Variants in EDARADD observed in about 807,000 individuals in gnomAD.
The protein encoded by EDARADD is ectodysplasin-A receptor-associated adapter protein.
A neutral mutation model predicts 25.6 loss-of-function variants in EDARADD; 20 were observed. That is an observed-to-expected ratio of 0.78 (90% CI 0.55 to 1.14). The LOEUF (loss-of-function observed/expected upper bound fraction) is 1.14. Among genes scored for constraint, EDARADD ranks in the 50% most tolerant of loss-of-function variants. EDARADD has a pLI of 0.00. For synonymous variants in EDARADD, 86 were observed against 94.4 expected, an observed-to-expected ratio of 0.91 and a Z score of 0.52; for missense variants, 225 against 270.1, an observed-to-expected ratio of 0.83 and a Z score of 1.17.
intron 3 of EDARADD, among the ~76,000 whole-genome samples, chr1:236,357,088 T>TTA (rs71585707): frequency 0.018 from 2,576 of 145,288 alleles, 43 homozygotes; most frequent in Non-Finnish European, 0.025. Context: ...CTGTCTCAAA[T>TTA]AAAAAATAAA....
chr1:236,370,954 G>T (rs1667166369), intron 3 of EDARADD, among the ~76,000 whole-genome samples: 1 of 152,206 alleles, frequency 6.6e-6, no homozygotes, highest in Non-Finnish European at 1.5e-5. Flanking sequence ...GAATAAAGAA[G>T]GACAGCTTGG....
rs114140737 is a variant in EDARADD at position 236,353,947 on chromosome 1, G to A, written c.-6+3108G>A. Among the ~76,000 whole-genome samples, 952 of 152,178 alleles carry A rather than the reference G, an allele frequency of 6.3e-3. 10 individuals are homozygous for A. Among genetic ancestry groups the A allele is most frequent in the African/African-American group, 0.022 (893 of 41,510 alleles). On this transcript the variant is annotated intron_variant, in intron 3 of 7. Coordinates refer to the EDARADD transcript ENST00000439430. ...ATTCATGTATCTATGGGAGTTCAGG[G>A]GAAAATGTGACTCTAGCTCTTTCAT... is the stretch of plus-strand genomic sequence containing the variant.
At chr1:236,443,974 A>C (rs973852145) in intron 4 of EDARADD, among the ~76,000 whole-genome samples, 1 of 152,150 alleles carries the variant, frequency 6.6e-6, no homozygotes, top group Admixed American at 6.6e-5. Context: ...AGAAATTGCC[A>C]TTTCCACCCT....
intron 3 of EDARADD, among the ~76,000 whole-genome samples, chr1:236,424,092 C>T (rs1759389): frequency 0.45 from 66,839 of 149,404 alleles, 17,183 homozygotes; most frequent in Non-Finnish European, 0.59. Context: ...GGTGACAGAA[C>T]AAGACTCCGT....
chr1:236,352,467 G>T (rs1201346234), intron 3 of EDARADD, among the ~76,000 whole-genome samples: 2 of 152,196 alleles, frequency 1.3e-5, no homozygotes, highest in Non-Finnish European at 2.9e-5. Flanking sequence ...CATTTTGGGA[G>T]GTCTAGGCAG....
chr1:236,460,340 A>G (rs1434057871), intron 4 of EDARADD, among the ~76,000 whole-genome samples: 1 of 151,438 alleles, frequency 6.6e-6, no homozygotes, highest in Non-Finnish European at 1.5e-5. Flanking sequence ...GCTCACCACA[A>G]CACCTCATTT....
At chr1:236,388,162 A>G (rs772571027) in intron 3 of EDARADD, among the ~76,000 whole-genome samples, 7 of 152,124 alleles carry the variant, frequency 4.6e-5, no homozygotes, top group Middle Eastern at 3.4e-3. Flanking sequence ...TCCCAACACC[A>G]TTTGAACTGT....
chr1:236,371,042 A>G (rs1405158984), intron 3 of EDARADD, among the ~76,000 whole-genome samples: 2 of 152,204 alleles, frequency 1.3e-5, no homozygotes, highest in Non-Finnish European at 2.9e-5. Context: ...GGCAGTTTCA[A>G]TCTGAGTTTG....
Position 236,479,504 on chromosome 1 carries a change from G to GAA in EDARADD, c.266-2754_266-2753dup, listed in dbSNP as rs148705067. 5.0e-4 allele frequency among the ~76,000 whole-genome samples: 74 copies of GAA among 146,624 alleles called. No homozygotes were observed. The South Asian group carries it at 0.015, about 29-fold the overall frequency. Reference sequence around the variant, plus strand: ...AGCAAGACCCTGTCTCAAAAAAAAAGAAAAAAAAAACCTCTCTATTCGCCT... The same window carrying GAA: ...AGCAAGACCCTGTCTCAAAAAAAAAGAAAAAAAAAAAACCTCTCTATTCGCCT... On this transcript the variant is annotated intron_variant, in intron 5 of 5. Coordinates refer to ENST00000334232, the MANE Select transcript of EDARADD (RefSeq NM_145861.4).
Position 236,455,568 on chromosome 1 carries a change from G to T in EDARADD, c.220-12663G>T, listed in dbSNP as rs553768905. On this transcript the variant is annotated intron_variant, in intron 4 of 5. Transcript: ENST00000334232. Reference sequence around the variant, plus strand: ...GGAAGTTTATAGAATGAGGAACCAGGGCTATTACATGAAACTATAAAACTG... The same window carrying T: ...GGAAGTTTATAGAATGAGGAACCAGTGCTATTACATGAAACTATAAAACTG... Among the ~76,000 whole-genome samples the T allele has an allele frequency of 1.1e-4, 17 of 152,312 alleles. No homozygotes were observed. In the South Asian group the frequency reaches 1.2e-3, roughly 11 times the overall value.
intron 4 of EDARADD, among the ~76,000 whole-genome samples, chr1:236,454,484 C>T (rs113385270): frequency 3.3e-5 from 5 of 152,200 alleles, no homozygotes; most frequent in African/African-American, 1.2e-4. Context: ...GACCAGGGCC[C>T]CATCTATTGT....
intron 3 of EDARADD, among the ~76,000 whole-genome samples, chr1:236,359,534 C>T (rs781745087): frequency 1.1e-4 from 17 of 152,304 alleles, no homozygotes; most frequent in Non-Finnish European, 1.8e-4. Context: ...TCCATTTTTA[C>T]ACTACTGATA....
intron 4 of EDARADD, among the ~76,000 whole-genome samples, chr1:236,431,395 A>G (rs1658090488): frequency 6.6e-6 from 1 of 152,140 alleles, no homozygotes; most frequent in Non-Finnish European, 1.5e-5. Context: ...TAGTCTGGCA[A>G]CATAGCAAGA....
At chr1:236,442,917 A>T (rs1255418780) in intron 4 of EDARADD, among the ~76,000 whole-genome samples, 4 of 152,234 alleles carry the variant, frequency 2.6e-5, no homozygotes, top group Non-Finnish European at 5.9e-5. Context: ...CCAAGGTAGT[A>T]GTTGGGAGAG....
intron 4 of EDARADD, among the ~76,000 whole-genome samples, chr1:236,428,820 C>T (rs943989720): frequency 1.1e-4 from 17 of 151,916 alleles, no homozygotes; most frequent in Non-Finnish European, 8.8e-5. Flanking sequence ...GCGGAGATCA[C>T]GCCACTGCAC....
At chr1:236,374,501 T>G (rs1360959380) in intron 3 of EDARADD, among the ~76,000 whole-genome samples, 14 of 152,166 alleles carry the variant, frequency 9.2e-5, no homozygotes, top group Non-Finnish European at 1.9e-4. Flanking sequence ...ACTCCTGGGC[T>G]CGAGCTATTT....
chr1:236,367,511 G>A (rs894882824), intron 3 of EDARADD, among the ~76,000 whole-genome samples: 7 of 152,242 alleles, frequency 4.6e-5, no homozygotes, highest in Middle Eastern at 3.4e-3. Flanking sequence ...TTACAGGCAT[G>A]GGCCACCGCA....
At chr1:236,431,578 A>G (rs1487481808) in intron 4 of EDARADD, among the ~76,000 whole-genome samples, 1 of 152,242 alleles carries the variant, frequency 6.6e-6, no homozygotes, top group Non-Finnish European at 1.5e-5. Context: ...ACCAATCTGA[A>G]CTGGGTATTC....
intron 3 of EDARADD, among the ~76,000 whole-genome samples, chr1:236,423,458 G>A (rs1657831004): frequency 6.6e-6 from 1 of 152,118 alleles, no homozygotes; most frequent in African/African-American, 2.4e-5. Flanking sequence ...TCCGTGGCCT[G>A]CATGAAAATG....
Sources: gnomAD v4.1 joint callset for allele counts (sites outside exome capture counted in the v4.1 genomes callset) on GRCh38, gnomAD v4.1.1 for gene constraint, MANE v1.5 for transcripts, NCBI Gene and HGNC (gene_info 2026-07-23, HGNC 2026-07-21) for gene names.